The following PHIP variants were observed in gnomAD, a reference collection of about 807,000 sequenced individuals.
PHIP encodes PHIP subunit of CUL4-Ring ligase complex.
In PHIP, 54 loss-of-function variants were observed where a neutral mutation model predicts 236.8. That is an observed-to-expected ratio of 0.23 (90% CI 0.18 to 0.29). The LOEUF (loss-of-function observed/expected upper bound fraction) is 0.29, where lower values mean the gene tolerates loss of function less well. Ranked by LOEUF, PHIP falls within the 10% of genes least tolerant of loss-of-function variation. The pLI is 1.00. For missense variants in PHIP, 1,370 were observed against 2,190.8 expected (o/e 0.63, Z 7.48); for synonymous variants, 756 against 718.9 (o/e 1.05, Z -0.83).
At chr6:78,974,072 C>T (rs910600841) in intron 24 of PHIP, among the ~76,000 whole-genome samples, 3 of 152,152 alleles carry the variant, frequency 2.0e-5, no homozygotes, top group African/African-American at 4.8e-5. Flanking sequence ...ACAGAATATA[C>T]ATTTTTTTCA....
intron 35 of PHIP, among the ~76,000 whole-genome samples, chr6:78,952,366 C>A (rs765384683): frequency 9.4e-5 from 14 of 149,522 alleles, no homozygotes; most frequent in Non-Finnish European, 1.6e-4. Context: ...TTGTAGTGAG[C>A]CGAGATTGAG....
At chr6:79,021,639 A>G (rs1771121308) in intron 9 of PHIP, among the ~76,000 whole-genome samples, 1 of 152,238 alleles carries the variant, frequency 6.6e-6, no homozygotes, top group Non-Finnish European at 1.5e-5. Context: ...AAAGACAAAC[A>G]TCACATGTTC....
intron 7 of PHIP, among the ~76,000 whole-genome samples, chr6:79,030,049 C>T (rs147745730): frequency 2.6e-5 from 4 of 151,938 alleles, no homozygotes; most frequent in African/African-American, 7.2e-5. Context: ...AATAATGTTA[C>T]GTAAATGGTG....
intron 7 of PHIP, among the ~76,000 whole-genome samples, chr6:79,027,293 A>G (rs1440086008): frequency 6.6e-6 from 1 of 152,188 alleles, no homozygotes; most frequent in Non-Finnish European, 1.5e-5. Flanking sequence ...CCAATTAACG[A>G]TAAAACCAGT....
chr6:78,982,001 A>G (rs1184778907), intron 23 of PHIP, among the ~76,000 whole-genome samples: 1 of 151,994 alleles, frequency 6.6e-6, no homozygotes, highest in Non-Finnish European at 1.5e-5. Context: ...CTTAAAACAG[A>G]TATATTCTTA....
At chr6:79,039,124 G>A (rs976707038) in intron 7 of PHIP, among the ~76,000 whole-genome samples, 3 of 152,088 alleles carry the variant, frequency 2.0e-5, no homozygotes, top group Non-Finnish European at 2.9e-5. Flanking sequence ...ATGCAAAAGG[G>A]TTCAATGAAA....
At chr6:79,060,035 T>C (rs1351418054) in intron 6 of PHIP, among the ~76,000 whole-genome samples, 1 of 151,124 alleles carries the variant, frequency 6.6e-6, no homozygotes, top group Admixed American at 6.6e-5. Flanking sequence ...GTGAAAGGCA[T>C]GAACCTAGGA....
rs9443633 is a variant in PHIP at position 78,970,346 on chromosome 6, T to C, written c.2998-173A>G. Among the ~76,000 whole-genome samples the C allele has an allele frequency of 0.11, 17,342 of 151,950 alleles. 1,239 individuals carry two copies. Among genetic ancestry groups the C allele is most frequent in the African/African-American group, 0.18 (7,581 of 41,424 alleles). ...ATTAAGATTTGTGCACTTTATAGTA[T>C]GCAAGTTACAATGAAATTTTTAAAA... On this transcript the variant is annotated intron_variant, in intron 25 of 39. Transcript: ENST00000275034.
intron 15 of PHIP, among the ~76,000 whole-genome samples, chr6:79,011,460 T>G (rs1296879291): frequency 6.6e-6 from 1 of 151,832 alleles, no homozygotes; most frequent in Non-Finnish European, 1.5e-5. Context: ...TAAGTGCTTT[T>G]AAAAGTTTTT....
intron 17 of PHIP, among the ~76,000 whole-genome samples, chr6:78,999,641 A>G (rs181469265): frequency 1.9e-4 from 29 of 152,256 alleles, no homozygotes; most frequent in Admixed American, 7.2e-4. Context: ...GGGAGCAATT[A>G]GTATCAGCCA....
chr6:79,048,079 ACAAT>A (rs984349674), intron 6 of PHIP, among the ~76,000 whole-genome samples: 9 of 151,814 alleles, frequency 5.9e-5, no homozygotes, highest in African/African-American at 9.7e-5. Context: ...TTTTAATCTT[ACAAT>A]CAATGATGTT....
At chr6:78,946,591 C>T in intron 37 of PHIP, 120 bp downstream of exon 37, 1 of 1,418,772 alleles carries the variant, frequency 7.0e-7, no homozygotes, top group Non-Finnish European at 9.1e-7. Flanking sequence ...TAGGAACTTG[C>T]ATGTCAAATT....
At chr6:79,017,621 T>C (rs530730183) in intron 10 of PHIP, 38 bp from the exon 11 acceptor site, 1 of 1,413,002 alleles carries the variant, frequency 7.1e-7, no homozygotes, top group Admixed American at 1.7e-5. Flanking sequence ...AAGTAAAACA[T>C]AACTTCAAAA....
chr6:78,989,757 AT>A (rs926117215), intron 20 of PHIP, among the ~76,000 whole-genome samples: 3 of 152,198 alleles, frequency 2.0e-5, no homozygotes, highest in African/African-American at 4.8e-5. Flanking sequence ...AACATATTCC[AT>A]CCATAAAGGT....
At chr6:79,069,551 T>C (rs1270436253) in intron 4 of PHIP, among the ~76,000 whole-genome samples, 37 of 152,174 alleles carry the variant, frequency 2.4e-4, no homozygotes, top group East Asian at 1.9e-4. Flanking sequence ...ATTTGGAAAA[T>C]AGGAGAAATA....
intron 27 of PHIP, among the ~76,000 whole-genome samples, chr6:78,966,980 T>G (rs888676038): frequency 6.6e-6 from 1 of 152,260 alleles, no homozygotes; most frequent in Admixed American, 6.5e-5. Flanking sequence ...CTGGTAGTTT[T>G]TGACTAATGA....
At chr6:78,984,655 C>T (rs766529562) in intron 22 of PHIP, among the ~76,000 whole-genome samples, 1 of 152,164 alleles carries the variant, frequency 6.6e-6, no homozygotes, top group Non-Finnish European at 1.5e-5. Context: ...GATATAACCA[C>T]ACACATTTGC....
chr6:79,071,093 A>G (rs1303278255), intron 4 of PHIP, among the ~76,000 whole-genome samples: 1 of 152,122 alleles, frequency 6.6e-6, no homozygotes, highest in Admixed American at 6.5e-5. Flanking sequence ...TGCCACCTAA[A>G]TTTTCTTATC....
In PHIP at chr6:78,934,774, G is replaced by A. The variant is rs190129516; in HGVS notation, c.*5919C>T. 5.9e-5 allele frequency among the ~76,000 whole-genome samples: 9 copies of A among 152,188 alleles called. No individual in the cohort carries two copies. The highest frequency in any genetic ancestry group is 2.2e-4 in the African/African-American group (9 of 41,442). ...ACAGATGAGGAAAATGAAGCTCTGA[G>A]ATACGACTTTGCTGGGGTTCCTCTA... is the stretch of plus-strand genomic sequence containing the variant. On this transcript the variant is annotated 3_prime_UTR_variant, in exon 40 of 40. Coordinates refer to ENST00000275034, the MANE Select transcript of PHIP (RefSeq NM_017934.7).
Sources: gnomAD v4.1 joint callset for allele counts (sites outside exome capture counted in the v4.1 genomes callset) on GRCh38, gnomAD v4.1.1 for gene constraint, MANE v1.5 for transcripts, NCBI Gene and HGNC (gene_info 2026-07-23, HGNC 2026-07-21) for gene names.